Variants in ASTN2 observed in about 807,000 individuals in gnomAD.
The protein encoded by ASTN2 is astrotactin 2.
Under a neutral mutation model 139.8 loss-of-function variants are expected in ASTN2, and 54 were observed. The ratio of observed to expected loss-of-function variants is 0.39; its 90% CI spans 0.31 to 0.48. The LOEUF (loss-of-function observed/expected upper bound fraction) is 0.48, where lower values mean the gene tolerates loss of function less well. Among genes scored for constraint, ASTN2 ranks in the 20% least tolerant of loss-of-function variants. ASTN2 has a pLI of 0.95. For synonymous variants in ASTN2, 756 were observed against 719.5 expected (o/e 1.05, Z -0.81); for missense variants, 1,565 against 1,725.1 (o/e 0.91, Z 1.64).
At chr9:116,763,984 C>T (rs942566514) in intron 13 of ASTN2, among the ~76,000 whole-genome samples, 23 of 152,202 alleles carry the variant, frequency 1.5e-4, no homozygotes, top group African/African-American at 4.8e-4. Flanking sequence ...TTTCACTGAG[C>T]ATCCCTTGGG....
At chr9:116,885,395 G>A (rs1030540543) in intron 10 of ASTN2, among the ~76,000 whole-genome samples, 2 of 152,332 alleles carry the variant, frequency 1.3e-5, no homozygotes, top group Middle Eastern at 3.4e-3. Context: ...ACGGAGCACA[G>A]TGGCTCATGC....
chr9:117,204,304 C>T (rs887065828), intron 3 of ASTN2, among the ~76,000 whole-genome samples: 1 of 152,182 alleles, frequency 6.6e-6, no homozygotes, highest in Non-Finnish European at 1.5e-5. Flanking sequence ...TGTGATCCAC[C>T]TGCCTCAGCC....
chr9:117,254,722 A>G (rs1833637277), intron 2 of ASTN2, among the ~76,000 whole-genome samples: 1 of 152,176 alleles, frequency 6.6e-6, no homozygotes, highest in Non-Finnish European at 1.5e-5. Context: ...AAAATACTAG[A>G]TGTGAGTCAA....
At chr9:117,171,467 T>C (rs1441938260) in intron 3 of ASTN2, among the ~76,000 whole-genome samples, 1 of 152,192 alleles carries the variant, frequency 6.6e-6, no homozygotes, top group Non-Finnish European at 1.5e-5. Context: ...AGTAAATGTC[T>C]AACCTAGTAC....
chr9:116,506,630 A>G (rs1166162486), intron 19 of ASTN2, among the ~76,000 whole-genome samples: 2 of 152,182 alleles, frequency 1.3e-5, no homozygotes, highest in Non-Finnish European at 2.9e-5. Context: ...ATTGATAAAT[A>G]GAGAGAATGT....
intron 3 of ASTN2, among the ~76,000 whole-genome samples, chr9:117,158,433 T>C (rs1830476515): frequency 2.0e-5 from 3 of 152,104 alleles, no homozygotes; most frequent in Non-Finnish European, 4.4e-5. Flanking sequence ...GAGTTAACTA[T>C]ATCCCGATAT....
chr9:117,378,839 G>T (rs938301707), intron 1 of ASTN2, among the ~76,000 whole-genome samples: 6 of 152,224 alleles, frequency 3.9e-5, no homozygotes, highest in Non-Finnish European at 5.9e-5. Context: ...AGTGTTGGAG[G>T]TGGGGCCTAG....
intron 2 of ASTN2, among the ~76,000 whole-genome samples, chr9:117,270,296 T>C (rs187281423): frequency 3.0e-3 from 452 of 152,348 alleles, no homozygotes; most frequent in African/African-American, 0.01. Flanking sequence ...AACTTATTCA[T>C]CTTGCTTGGC....
rs528063458 is a variant in ASTN2, at chr9:116,614,568, A to G, written c.3355+3756T>C. Among the ~76,000 whole-genome samples, 3 of 152,224 alleles carry G rather than the reference A, an allele frequency of 2.0e-5. No individual in the cohort carries two copies. In the East Asian group the frequency reaches 5.8e-4, roughly 29 times the overall value. On this transcript the variant is annotated intron_variant, in intron 19 of 22. Transcript: ENST00000313400. ...CAATAGAGCCCCCGGAAACAATACC[A>G]CACATCTATAACCATCTGATCTTTG...
chr9:116,783,646 G>A lies in ASTN2; in HGVS notation c.2396+21986C>T, dbSNP rs575670185. The stretch of plus-strand genomic sequence containing the variant: ...CTTGGCCAAGGTCACACAGCTAATA[G>A]CAGCAGAGGTTGAATTCAATTTCAG... On this transcript the variant is annotated intron_variant, in intron 13 of 22. Transcript: ENST00000313400. 2.0e-5 allele frequency among the ~76,000 whole-genome samples: 3 copies of A among 152,288 alleles called. No homozygotes were observed. The East Asian group carries it at 5.8e-4, about 29-fold the overall frequency.
intron 4 of ASTN2, among the ~76,000 whole-genome samples, chr9:117,119,107 T>G (rs891316335): frequency 6.6e-6 from 1 of 152,172 alleles, no homozygotes; most frequent in African/African-American, 2.4e-5. Flanking sequence ...AAATACTTGT[T>G]GAATGAATGA....
chr9:116,792,963 A>C (rs1324313634), intron 13 of ASTN2, among the ~76,000 whole-genome samples: 1 of 152,148 alleles, frequency 6.6e-6, no homozygotes, highest in Non-Finnish European at 1.5e-5. Context: ...GGGAAGGAGA[A>C]AGGGGACAAG....
chr9:116,469,275 G>A (rs1848741091), intron 20 of ASTN2, among the ~76,000 whole-genome samples: 1 of 152,066 alleles, frequency 6.6e-6, no homozygotes, highest in African/African-American at 2.4e-5. Context: ...AGTCATCCTG[G>A]CTGCTAAAAA....
intron 2 of ASTN2, among the ~76,000 whole-genome samples, chr9:117,278,525 C>T (rs962794368): frequency 3.3e-5 from 5 of 152,174 alleles, no homozygotes; most frequent in Non-Finnish European, 5.9e-5. Context: ...ATCTGCCTAA[C>T]CCCTTCCCCC....
intron 3 of ASTN2, chr9:117,197,453 G>T (rs1456657238): frequency 6.6e-6 from 1 of 152,218 alleles, no homozygotes; most frequent in Admixed American, 6.5e-5. Flanking sequence ...AGTAAGGTAA[G>T]TATGCATGGC....
intron 19 of ASTN2, among the ~76,000 whole-genome samples, chr9:116,572,717 C>T (rs1006366599): frequency 2.0e-5 from 3 of 152,168 alleles, no homozygotes; most frequent in Non-Finnish European, 2.9e-5. Context: ...TATGCTTACC[C>T]AATGACTTCA....
At chr9:116,789,114 T>C (rs1170478479) in intron 13 of ASTN2, among the ~76,000 whole-genome samples, 1 of 152,144 alleles carries the variant, frequency 6.6e-6, no homozygotes, top group African/African-American at 2.4e-5. Flanking sequence ...TAATCGAAAC[T>C]TACAGGGATA....
chr9:117,385,490 ATTTCCCAGAGAAGAGCC>A (rs1463188249), intron 1 of ASTN2, among the ~76,000 whole-genome samples: 1 of 152,180 alleles, frequency 6.6e-6, no homozygotes, highest in South Asian at 2.1e-4. Flanking sequence ...GGTGGAAAAG[ATTTCCCAGAGAAGAGCC>A]TTGAAAGATG....
chr9:116,854,653 T>TC (rs67139149), intron 11 of ASTN2, among the ~76,000 whole-genome samples: 4 of 96,550 alleles, frequency 4.1e-5, no homozygotes, highest in East Asian at 5.4e-4. Context: ...CCTTCTCTCT[T>TC]TTTTTTTTTT....
Sources: allele counts gnomAD v4.1 joint callset (sites outside exome capture counted in the v4.1 genomes callset), GRCh38; gene constraint gnomAD v4.1.1; transcripts MANE v1.5; gene names NCBI Gene and HGNC (gene_info 2026-07-23, HGNC 2026-07-21).